The following ALDH18A1 variants were observed in gnomAD, a reference collection of about 807,000 sequenced individuals.
ALDH18A1 encodes delta-1-pyrroline-5-carboxylate synthase.
A neutral mutation model predicts 88.8 loss-of-function variants in ALDH18A1; 44 were observed. The observed-to-expected ratio is 0.50, with a 90% confidence interval of 0.39 to 0.64. ALDH18A1 has a LOEUF of 0.64. Ranked by LOEUF, ALDH18A1 falls within the 30% of genes least tolerant of loss-of-function variation. ALDH18A1 has a pLI of 0.00. For missense variants in ALDH18A1, 782 were observed against 1,009.5 expected, an observed-to-expected ratio of 0.77 and a Z score of 3.05; for synonymous variants, 331 against 372.1, an observed-to-expected ratio of 0.89 and a Z score of 1.27.
intron 7 of ALDH18A1, among the ~76,000 whole-genome samples, chr10:95,630,545 T>C (rs1420229773): frequency 6.6e-6 from 1 of 151,892 alleles, no homozygotes. Context: ...ACCCCTTCTC[T>C]ACTAAAAATA....
chr10:95,634,112 A>T (rs945006527), intron 5 of ALDH18A1, among the ~76,000 whole-genome samples: 1 of 152,184 alleles, frequency 6.6e-6, no homozygotes, highest in Non-Finnish European at 1.5e-5. Flanking sequence ...AAATTACAAT[A>T]ATCTGAAAGA....
At position 95,613,731 on chromosome 10, in the gene ALDH18A1, G is replaced by T. The variant is rs780741130; in HGVS notation, c.1923+11C>A. ...ACAGGAAGTAATGTACTAGTCCTAT[G>T]GAACTCTTACCTGTTCCACTCTCAG... On this transcript the variant is annotated intron_variant, in intron 15 of 17. Transcript: ENST00000371224. The T allele has an allele frequency of 8.7e-6, 14 of 1,614,042 alleles. No individual in the cohort carries two copies. Among genetic ancestry groups the T allele is most frequent in the Non-Finnish European group, 1.2e-5 (14 of 1,179,974 alleles).
At position 95,606,466 on chromosome 10, in the gene ALDH18A1, C is replaced by T; in HGVS notation, c.*296G>A. 3 of 1,249,706 alleles carry T rather than the reference C, an allele frequency of 2.4e-6. No homozygotes were observed. The highest frequency in any genetic ancestry group is 2.0e-6 in the Non-Finnish European group (2 of 986,326). The allele number at this position is 1,249,706 out of a possible 1,614,324, so 77.4% of individuals were successfully genotyped here. On this transcript the variant is annotated 3_prime_UTR_variant, in exon 18 of 18. Transcript: ENST00000371224. ...GTGACACAAAGCAGCCATGGGTTTT[C>T]CTCGCCTTTTTTATGGGGAAAATGC...
At chr10:95,631,465 C>G (rs148132997) in intron 7 of ALDH18A1, among the ~76,000 whole-genome samples, 3 of 152,062 alleles carry the variant, frequency 2.0e-5, no homozygotes, top group Admixed American at 2.0e-4. Flanking sequence ...ACTGAATAGG[C>G]CGGGCGCGGT....
rs192830304 is a variant in ALDH18A1, at chr10:95,613,695, A to G, written c.1923+47T>C. On this transcript the variant is annotated intron_variant, in intron 15 of 17. Transcript: ENST00000371224. ...ATGGCTGTGCCTGGTCTAATTCCAC[A>G]GGCTTCTAAGACAGGAAGTAATGTA... The G allele has an allele frequency of 1.8e-4, 291 of 1,611,638 alleles. 1 individual carries two copies. The African/African-American group carries it at 3.6e-3, about 20-fold the overall frequency.
At chr10:95,649,415 C>T (rs370862356) in intron 2 of ALDH18A1, among the ~76,000 whole-genome samples, 10 of 142,676 alleles carry the variant, frequency 7.0e-5, no homozygotes, top group African/African-American at 1.8e-4. Context: ...AGTGCAGTGG[C>T]GCTATCTTGG....
At position 95,637,175 on chromosome 10, in the gene ALDH18A1, C is replaced by T; in HGVS notation, c.476G>A (p.Arg159Gln). 1 of 1,614,196 alleles carries T rather than the reference C, an allele frequency of 6.2e-7. No homozygotes were observed. Among genetic ancestry groups the T allele is most frequent in the Non-Finnish European group, 8.5e-7 (1 of 1,180,050 alleles). ...KEMAIPVLEA[R>Q]ACAAAGQSGL... ...ACTCTGTCCGGCAGCTGCACAGGCT[C>T]GTGCCTCTAAGACTGGAATTGCCTG... Residue 159 changes from arginine to glutamine, a missense_variant, in exon 5 of 18, where the codon CGA becomes CAA. Transcript: ENST00000371224.
At chr10:95,649,895 A>T (rs1029356074) in intron 2 of ALDH18A1, among the ~76,000 whole-genome samples, 21 of 151,768 alleles carry the variant, frequency 1.4e-4, no homozygotes, top group African/African-American at 4.3e-4. Context: ...AATAAAAAAA[A>T]AAAACAAAGA....
intron 9 of ALDH18A1, among the ~76,000 whole-genome samples, chr10:95,627,057 G>A (rs986742994): frequency 2.0e-4 from 31 of 152,068 alleles, no homozygotes; most frequent in African/African-American, 6.5e-4. Flanking sequence ...CCACTTTGGC[G>A]ATATTTTTTA....
chr10:95,645,279 A>C (rs545161314), intron 2 of ALDH18A1, among the ~76,000 whole-genome samples: 1 of 152,344 alleles, frequency 6.6e-6, no homozygotes, highest in African/African-American at 2.4e-5. Flanking sequence ...GCAACTCATA[A>C]ATATTTGAAT....
rs2097840251 is a variant in ALDH18A1, at chr10:95,613,950, AC to A, written c.1801+15del. On this transcript the variant is annotated intron_variant, in intron 14 of 17. Transcript: ENST00000371224. ...ATATTTCTCCGTTGTGAAAGAGAAG[AC>A]CCCATCCAGCTCACCTAGCCTGGTG... The A allele has an allele frequency of 6.2e-7, 1 of 1,614,132 alleles. No homozygotes were observed. The highest frequency in any genetic ancestry group is 1.6e-4 in the Middle Eastern group (1 of 6,062).
Position 95,616,084 on chromosome 10 carries a change from T to G in ALDH18A1, c.1605+393A>C, listed in dbSNP as rs148438852. On this transcript the variant is annotated intron_variant, in intron 13 of 17. Coordinates refer to ENST00000371224, the MANE Select transcript of ALDH18A1 (RefSeq NM_002860.4). ...TAATAGTGATAACAGCATGATCTCA[T>G]ACTCAACACACCGCATGACAGTTTA... Among the ~76,000 whole-genome samples the G allele has an allele frequency of 1.7e-4, 26 of 152,318 alleles. No homozygotes were observed. The East Asian group carries it at 4.6e-3, about 27-fold the overall frequency.
At chr10:95,617,736 C>A (rs1041568825) in intron 12 of ALDH18A1, among the ~76,000 whole-genome samples, 4 of 152,186 alleles carry the variant, frequency 2.6e-5, no homozygotes, top group African/African-American at 9.7e-5. Context: ...AGATGAGGAG[C>A]CTTAGCTGTA....
intron 5 of ALDH18A1, among the ~76,000 whole-genome samples, 163 bp from the exon 6 acceptor site, chr10:95,633,812 CT>C (rs869056809): frequency 0.035 from 3,659 of 103,172 alleles, 20 homozygotes; most frequent in Non-Finnish European, 0.047. Flanking sequence ...CTATCCAATT[CT>C]TTTTTTTTTT....
rs1224302767 is a variant in ALDH18A1, at chr10:95,621,022, T to C, written c.1467+9A>G. Reference sequence around the variant, plus strand: ...GCAGGGTATTTATTCTCCCGGGGTATATACACACCTGGGGTAGACAGTCAG... The same window carrying C: ...GCAGGGTATTTATTCTCCCGGGGTACATACACACCTGGGGTAGACAGTCAG... On this transcript the variant is annotated intron_variant, in intron 12 of 17. Transcript: ENST00000371224. 1.2e-6 allele frequency: 2 copies of C among 1,613,066 alleles called. No individual in the cohort carries two copies. Among genetic ancestry groups the C allele is most frequent in the Non-Finnish European group, 1.7e-6 (2 of 1,179,456 alleles).
chr10:95,628,536 G>A (rs2097863616), intron 7 of ALDH18A1, 44 bp from the exon 8 acceptor site: 1 of 1,605,398 alleles, frequency 6.2e-7, no homozygotes, highest in Non-Finnish European at 8.5e-7. Context: ...TGATGGAAGT[G>A]TCTCCAAGAC....
rs537773056 is a variant in ALDH18A1 at position 95,616,739 on chromosome 10, G to C, written c.1468-125C>G. 420 of 1,266,444 alleles carry C rather than the reference G, an allele frequency of 3.3e-4. 1 individual carries two copies. The highest frequency in any genetic ancestry group is 1.1e-3 in the South Asian group (89 of 77,798). The allele number at this position is 1,266,444 out of a possible 1,614,324, so 78.5% of individuals were successfully genotyped here. A position where few individuals can be genotyped will look rare whatever the true frequency, so the allele number is the denominator to read the frequency against. Reference sequence around the variant, plus strand: ...TTCATCATTTTAGAAGGCCTATGCTGTTTCATCTTCACAACACTGCAGTGA... The same window carrying C: ...TTCATCATTTTAGAAGGCCTATGCTCTTTCATCTTCACAACACTGCAGTGA... On this transcript the variant is annotated intron_variant, in intron 12 of 17. Coordinates refer to ENST00000371224, the MANE Select transcript of ALDH18A1 (RefSeq NM_002860.4).
intron 10 of ALDH18A1, among the ~76,000 whole-genome samples, chr10:95,625,745 G>T (rs187285821): frequency 9.4e-5 from 14 of 148,920 alleles, no homozygotes; most frequent in Admixed American, 3.3e-4. Context: ...GTAATAATCA[G>T]GAGTCATAAG....
intron 12 of ALDH18A1, among the ~76,000 whole-genome samples, chr10:95,619,964 T>C (rs1365093895): frequency 6.6e-6 from 1 of 152,174 alleles, no homozygotes; most frequent in Non-Finnish European, 1.5e-5. Context: ...AAAGAGCTTC[T>C]GCATGGCAAA....
Sources: gnomAD v4.1 joint callset for allele counts (sites outside exome capture counted in the v4.1 genomes callset) on GRCh38, gnomAD v4.1.1 for gene constraint, MANE v1.5 for transcripts, NCBI Gene and HGNC (gene_info 2026-07-23, HGNC 2026-07-21) for gene names.